Variants in UTP20 observed in about 807,000 individuals in gnomAD.
The protein encoded by UTP20 is UTP20 small subunit processome component, also known as small subunit processome component 20 homolog.
In UTP20, 164 loss-of-function variants were observed where a neutral mutation model predicts 329.5. The observed-to-expected ratio is 0.50, with a 90% CI of 0.44 to 0.57. UTP20 has a LOEUF of 0.57. Ranked by LOEUF, UTP20 falls within the 20% of genes least tolerant of loss-of-function variation. The probability of loss-of-function intolerance (pLI) is 0.00; values close to 1 mark genes in which losing one functional copy is unlikely to be tolerated. For missense variants in UTP20, 3,055 were observed against 3,284.2 expected, an observed-to-expected ratio of 0.93 and a Z score of 1.71; for synonymous variants, 1,151 against 1,159.3, an observed-to-expected ratio of 0.99 and a Z score of 0.14.
At chr12:101,365,072 T>TTGTGTGTGTGTGTGTGTGTGTGTG in intron 45 of UTP20, among the ~76,000 whole-genome samples, 1 of 142,010 alleles carries the variant, frequency 7.0e-6, no homozygotes, top group African/African-American at 2.7e-5. Flanking sequence ...ATTTTGTTGA[T>TTGTGTGTGTGTGTGTGTGTGTGTG]TGTGTGTGTG....
chr12:101,383,306 C>T lies in UTP20; in HGVS notation c.7922C>T (p.Pro2641Leu). 6.2e-7 allele frequency: 1 copy of T among 1,612,958 alleles called. No individual in the cohort carries two copies. Among genetic ancestry groups the T allele is most frequent in the East Asian group, 2.2e-5 (1 of 44,872 alleles). Residue 2641 changes from proline (P) to leucine (L), a missense_variant, in exon 59 of 62, where the codon CCC becomes CTC. Transcript: ENST00000261637. ...KLEAAYSPRN[P>L]LKRTCIFKFL... The stretch of plus-strand genomic sequence containing the variant: ...GAAGCTGCTTATTCGCCGAGAAACC[C>T]CTTAAAGGTGCGATGAATGCACAGA...
chr12:101,345,794 G>A (rs1407728799), intron 37 of UTP20, 100 bp downstream of exon 37: 3 of 1,133,396 alleles, frequency 2.6e-6, no homozygotes, highest in African/African-American at 3.2e-5. Flanking sequence ...TTCCAAAAAG[G>A]TTTAAGCTTC....
rs1868681965 is a variant in UTP20, at chr12:101,329,446, A to C, written c.3414A>C (p.Glu1138Asp). Residue 1138 changes from glutamate to aspartate, a missense_variant, in exon 27 of 62, where the codon GAA (glutamate) becomes GAC (aspartate). By Grantham distance (45) the Glu-to-Asp change is conservative. Around this residue, in one of 3 missense-constraint regions of UTP20, gnomAD observed 2,445 missense variants for 2,575.5 expected, o/e 0.95. Coordinates refer to ENST00000261637, the MANE Select transcript of UTP20 (RefSeq NM_014503.3). ...TATCACACATCCTTGACCAACGAGA[A>C]AAGGTTAGATTCACTATAGATGCTT... ...ATVSHILDQR[E>D]KIQLRFINPL... The C allele has an allele frequency of 6.2e-6, 10 of 1,611,724 alleles. No homozygotes were observed. The highest frequency in any genetic ancestry group is 8.5e-6 in the Non-Finnish European group (10 of 1,177,944).
At chr12:101,378,100 G>A (rs192127954) in intron 56 of UTP20, among the ~76,000 whole-genome samples, 53 of 152,266 alleles carry the variant, frequency 3.5e-4, no homozygotes, top group Non-Finnish European at 6.0e-4. Context: ...GAATGGCCAC[G>A]TAGCCAAATG....
At chr12:101,337,419 G>T (rs1868968939) in intron 29 of UTP20, among the ~76,000 whole-genome samples, 1 of 152,184 alleles carries the variant, frequency 6.6e-6, no homozygotes, top group Non-Finnish European at 1.5e-5. Context: ...TCAACTGCCG[G>T]TTTACCCTTG....
intron 46 of UTP20, 55 bp from the exon 47 acceptor site, chr12:101,366,503 T>C: frequency 6.4e-7 from 1 of 1,557,694 alleles, no homozygotes; most frequent in Non-Finnish European, 8.7e-7. Context: ...CTCTAACTTC[T>C]TGGAATGCAG....
chr12:101,312,111 A>G lies in UTP20; in HGVS notation c.2387A>G (p.Asp796Gly), dbSNP rs142589004. Reference protein sequence around the residue: ...DESWEQTQEGDVGALYHEQLA... With the variant: ...DESWEQTQEGGVGALYHEQLA... ...AGTTGGGAGCAGACCCAGGAAGGAG[A>G]TGTTGGAGCTCTTTATCATGAGCAG... The change falls in exon 21 of 62, where the codon GAT becomes GGT. Residue 796 changes from aspartate to glycine, a missense_variant. Transcript: ENST00000261637. 1.2e-6 allele frequency: 2 copies of G among 1,614,240 alleles called. No individual in the cohort carries two copies. Among genetic ancestry groups the G allele is most frequent in the East Asian group, 4.5e-5 (2 of 44,886 alleles).
At chr12:101,320,958 A>G in intron 24 of UTP20, 21 bp downstream of exon 24, 2 of 1,579,506 alleles carry the variant, frequency 1.3e-6, no homozygotes, top group Non-Finnish European at 1.7e-6. Flanking sequence ...TGAAGCTTAA[A>G]GAACTGTTAT....
At chr12:101,308,442 T>C in intron 18 of UTP20, 99 bp downstream of exon 18, 2 of 655,832 alleles carry the variant, frequency 3.0e-6, no homozygotes. Context: ...ATAATAATAA[T>C]AATAATAATT....
Position 101,343,081 on chromosome 12 carries a change from C to A in UTP20, c.4437C>A (p.Phe1479Leu), listed in dbSNP as rs753785975. ...TAATTCCAGTTATGCATAATTGTTT[C>A]TATAATCTAGAGGTAGGTTATTATA... ...NYLIPVMHNC[F>L]YNLELGDMSL... Residue 1479 changes from phenylalanine (F) to leucine (L), a missense_variant, in exon 35 of 62, where the codon TTC becomes TTA. Phe to Leu is a conservative substitution (Grantham distance 22). Coordinates refer to ENST00000261637, the MANE Select transcript of UTP20 (RefSeq NM_014503.3). The A allele has an allele frequency of 6.9e-6, 11 of 1,604,448 alleles. No homozygotes were observed. The highest frequency in any genetic ancestry group is 6.8e-5 in the South Asian group (6 of 88,572).
In UTP20 at chr12:101,338,385, C is replaced by G. The variant is rs916421465; in HGVS notation, c.3868+108C>G. On this transcript the variant is annotated intron_variant, in intron 30 of 61. Transcript: ENST00000261637. ...TTTGACTCACTCGAGAGCATATGCT[C>G]AGAAGTTTCTTTTCCCTGGGAACTA... is the stretch of plus-strand genomic sequence containing the variant. 2.7e-6 allele frequency: 3 copies of G among 1,111,376 alleles called. No individual in the cohort carries two copies. In the African/African-American group the frequency reaches 4.7e-5, roughly 18 times the overall value. The allele number at this position is 1,111,376 out of a possible 1,614,324, so 68.8% of individuals were successfully genotyped here. A position where few individuals can be genotyped will look rare whatever the true frequency, so the allele number is the denominator to read the frequency against.
chr12:101,334,602 C>A, intron 29 of UTP20, 98 bp downstream of exon 29: 1 of 988,226 alleles, frequency 1.0e-6, no homozygotes. Context: ...TATGGTCTTT[C>A]CATACAGTGA....
In UTP20 at chr12:101,352,075, T is replaced by A; in HGVS notation, c.4905T>A (p.Ala1635=). Residue 1635 remains alanine (A), a synonymous_variant, in exon 39 of 62, where the codon GCT becomes GCA. Transcript: ENST00000261637. ...KMLKHENITT[A]ATEIIGAICK... ...TACAGCATGAAAATATAACCACTGC[T>A]GCCACAGAGATTATTGGAGCCATTT... 1 of 1,613,726 alleles carries A rather than the reference T, an allele frequency of 6.2e-7. No homozygotes were observed. Among genetic ancestry groups the A allele is most frequent in the Non-Finnish European group, 8.5e-7 (1 of 1,179,946 alleles).
chr12:101,373,509 A>G (rs925341651), intron 53 of UTP20, 39 bp downstream of exon 53: 1 of 1,613,704 alleles, frequency 6.2e-7, no homozygotes, highest in African/African-American at 1.3e-5. Flanking sequence ...GACTCCTGGA[A>G]GTCCTCAGTC....
chr12:101,284,400 T>C (rs1871893038), intron 2 of UTP20, among the ~76,000 whole-genome samples: 1 of 152,226 alleles, frequency 6.6e-6, no homozygotes, highest in Non-Finnish European at 1.5e-5. Flanking sequence ...GCTGTATCCA[T>C]GTTGCTGCAA....
Position 101,285,555 on chromosome 12 carries a change from CT to C in UTP20, c.127-12del. 6.2e-7 allele frequency: 1 copy of C among 1,612,982 alleles called. No individual in the cohort carries two copies. Among genetic ancestry groups the C allele is most frequent in the Non-Finnish European group, 8.5e-7 (1 of 1,179,386 alleles). On this transcript the variant is annotated splice_polypyrimidine_tract_variant and intron_variant, in intron 2 of 61. Transcript: ENST00000261637. ...TTAGAGTTATTTGATTAATGGACTG[CT>C]TTAATCTTGACAGGAGGTTGAAACC...
At position 101,383,170 on chromosome 12, in the gene UTP20, G is replaced by C. The variant is rs2121068543; in HGVS notation, c.7786G>C (p.Asp2596His). The C allele has an allele frequency of 1.2e-6, 2 of 1,614,010 alleles. No individual in the cohort carries two copies. Among genetic ancestry groups the C allele is most frequent in the East Asian group, 4.5e-5 (2 of 44,878 alleles). Residue 2596 changes from aspartate to histidine, a missense_variant, in exon 59 of 62, where the codon GAT (aspartate) becomes CAT (histidine). Asp to His is a moderately conservative substitution (Grantham distance 81, BLOSUM62 -1). Transcript: ENST00000261637. ...TTTAGAAGATGGTGTGGCCTGTGCA[G>C]ATGAGAAGGCGGAGTCTGACGGAGA... Reference protein sequence around the residue: ...EALEDGVACADEKAESDGEEK... With the variant: ...EALEDGVACAHEKAESDGEEK...
intron 56 of UTP20, among the ~76,000 whole-genome samples, chr12:101,378,673 TACACCA>T: frequency 6.6e-6 from 1 of 150,488 alleles, no homozygotes; most frequent in Non-Finnish European, 1.5e-5. Flanking sequence ...GAGCTGAGAG[TACACCA>T]CTGCACTCCA....
In UTP20 at chr12:101,344,655, C is replaced by G. The variant is rs749624429; in HGVS notation, c.4510C>G (p.Leu1504Val). The G allele has an allele frequency of 1.3e-6, 2 of 1,524,852 alleles. No homozygotes were observed. 94.5% of individuals were successfully genotyped at this position (1,524,852 alleles called of 1,614,324 possible). The change falls in exon 36 of 62, where the codon CTA becomes GTA. Residue 1504 changes from leucine to valine, a missense_variant. Transcript: ENST00000261637. Reference sequence around the variant, plus strand: ...GTGCCTGATGAGTATCATCAAAAAGCTAGCTGCCTTGAATGTCACAGAGAA... The same window carrying G: ...GTGCCTGATGAGTATCATCAAAAAGGTAGCTGCCTTGAATGTCACAGAGAA... ...SMCLMSIIKK[L>V]AALNVTEKDY...
Sources: allele counts gnomAD v4.1 joint callset (sites outside exome capture counted in the v4.1 genomes callset), GRCh38; gene constraint gnomAD v4.1.1; regional missense constraint gnomAD v4.1.1; transcripts MANE v1.5; gene names NCBI Gene and HGNC (gene_info 2026-07-23, HGNC 2026-07-21).